EFCAB6: variants seen among roughly 807,000 people sequenced by gnomAD.
EFCAB6 encodes the protein EF-hand calcium-binding domain-containing protein 6.
Under a neutral mutation model 169.8 loss-of-function variants are expected in EFCAB6, and 156 were observed. That is an observed-to-expected ratio of 0.92 (90% CI 0.81 to 1.05). EFCAB6 has a LOEUF of 1.05. EFCAB6 is among the 50% of genes least tolerant of loss of function. The pLI, the probability that EFCAB6 is intolerant of heterozygous loss-of-function variation, is 0.00. For synonymous variants in EFCAB6, 698 were observed against 676.4 expected (o/e 1.03, Z -0.50); for missense variants, 1,800 against 1,829.1 (o/e 0.98, Z 0.29).
At chr22:43,676,143 C>T (rs1199826673) in intron 13 of EFCAB6, among the ~76,000 whole-genome samples, 2 of 151,874 alleles carry the variant, frequency 1.3e-5, no homozygotes, top group Admixed American at 6.6e-5. Flanking sequence ...TCAGGCCAGG[C>T]GCGGTGGCTC....
intron 17 of EFCAB6, among the ~76,000 whole-genome samples, chr22:43,639,432 TG>T (rs2055649348): frequency 6.6e-6 from 1 of 152,228 alleles, no homozygotes; most frequent in South Asian, 2.1e-4. Flanking sequence ...CGTTTGGTTT[TG>T]CTTTTGCTTT....
intron 19 of EFCAB6, among the ~76,000 whole-genome samples, chr22:43,630,527 G>A (rs562606249): frequency 3.9e-5 from 6 of 152,358 alleles, no homozygotes; most frequent in Admixed American, 6.5e-5. Context: ...AGTGTGTGAG[G>A]AAGAGAGGAG....
At position 43,682,926 on chromosome 22, in the gene EFCAB6, C is replaced by T. The variant is rs914993990; in HGVS notation, c.1251+821G>A. On this transcript the variant is annotated intron_variant, in intron 12 of 31. Transcript: ENST00000262726. The stretch of plus-strand genomic sequence containing the variant: ...AGCATTCTAGTGCGGCAGAGGCAGG[C>T]GCTGGGGTCTCCACAGACAGCAAAC... Among the ~76,000 whole-genome samples, 13 of 152,270 alleles carry T rather than the reference C, an allele frequency of 8.5e-5. No individual in the cohort carries two copies. In the East Asian group the frequency reaches 2.3e-3, roughly 27 times the overall value.
chr22:43,649,673 A>G (rs2056365333), intron 17 of EFCAB6, among the ~76,000 whole-genome samples: 1 of 152,204 alleles, frequency 6.6e-6, no homozygotes, highest in Non-Finnish European at 1.5e-5. Flanking sequence ...GCTTGTTGGA[A>G]TATCTTGCAG....
At chr22:43,690,755 C>G (rs531145361) in intron 10 of EFCAB6, among the ~76,000 whole-genome samples, 1 of 151,680 alleles carries the variant, frequency 6.6e-6, no homozygotes, top group East Asian at 2.0e-4. Flanking sequence ...TGCCCTCGGT[C>G]CCTTCTGCTT....
intron 11 of EFCAB6, 65 bp from the exon 12 acceptor site, chr22:43,683,920 T>C: frequency 3.1e-6 from 4 of 1,297,200 alleles, no homozygotes; most frequent in Non-Finnish European, 4.4e-6. Flanking sequence ...CTTTTCTTAA[T>C]GCAAGAAACA....
intron 23 of EFCAB6, among the ~76,000 whole-genome samples, chr22:43,593,612 A>G (rs2051738907): frequency 6.6e-6 from 1 of 152,210 alleles, no homozygotes; most frequent in East Asian, 1.9e-4. Flanking sequence ...ATAACTCAGT[A>G]ACTTAGACGT....
At chr22:43,576,550 T>C (rs2050270797) in intron 25 of EFCAB6, 62 bp from the exon 26 acceptor site, 12 of 1,385,284 alleles carry the variant, frequency 8.7e-6, no homozygotes, top group Middle Eastern at 2.1e-4. Flanking sequence ...TCTAAAACAC[T>C]TTCCTTAAGT....
intron 30 of EFCAB6, among the ~76,000 whole-genome samples, chr22:43,531,601 AAC>A (rs1346039752): frequency 6.6e-6 from 1 of 152,256 alleles, no homozygotes; most frequent in African/African-American, 2.4e-5. Flanking sequence ...AACAATGCGT[AAC>A]ACATCTTGGG....
intron 20 of EFCAB6, among the ~76,000 whole-genome samples, chr22:43,618,607 G>A (rs1168044041): frequency 1.3e-5 from 2 of 152,180 alleles, no homozygotes; most frequent in Non-Finnish European, 2.9e-5. Context: ...CAGCTTAAGA[G>A]TCAAGAGCAG....
At chr22:43,545,143 TC>T in intron 27 of EFCAB6, among the ~76,000 whole-genome samples, 1 of 152,138 alleles carries the variant, frequency 6.6e-6, no homozygotes, top group African/African-American at 2.4e-5. Context: ...TGAGACTCCA[TC>T]TCAAAAGAAA....
At position 43,782,314 on chromosome 22, in the gene EFCAB6, C is replaced by T; in HGVS notation, c.5G>A (p.Cys2Tyr). 1 of 1,611,828 alleles carries T rather than the reference C, an allele frequency of 6.2e-7. No individual in the cohort carries two copies. The change falls in exon 3 of 32, where the codon TGC becomes TAC. Residue 2 changes from cysteine (C) to tyrosine (Y), a missense_variant. Transcript: ENST00000262726. The stretch of plus-strand genomic sequence containing the variant: ...CCAGTCTGGTATAATCGCCATTTTG[C>T]ACATTAAATCCCTGTGATATAAAAG... M[C>Y]KMAIIPDWLR... is the part of the protein sequence containing the mutation.
intron 17 of EFCAB6, among the ~76,000 whole-genome samples, chr22:43,643,037 A>G (rs1343346481): frequency 6.6e-6 from 1 of 152,178 alleles, no homozygotes; most frequent in Non-Finnish European, 1.5e-5. Context: ...GCATAGTGTC[A>G]AGAGCCAGAA....
At chr22:43,652,279 G>T (rs2056510527) in intron 17 of EFCAB6, among the ~76,000 whole-genome samples, 1 of 152,128 alleles carries the variant, frequency 6.6e-6, no homozygotes, top group Admixed American at 6.6e-5. Context: ...GGTTTTAAAA[G>T]GAGGCATTCT....
chr22:43,749,660 C>T (rs142973545), intron 6 of EFCAB6, among the ~76,000 whole-genome samples: 126 of 152,296 alleles, frequency 8.3e-4, no homozygotes, highest in Middle Eastern at 3.4e-3. Context: ...CCACCGCTCA[C>T]CTCCTGCTGT....
In EFCAB6 at chr22:43,566,539, G is replaced by A. The variant is rs898100970; in HGVS notation, c.3420+9758C>T. On this transcript the variant is annotated intron_variant, in intron 26 of 31. Transcript: ENST00000262726. ...CCTCACATCACCCTGAGAGGCAGCC[G>A]TGGCTCTCCCTGCTGTATAGACAAA... 3.3e-5 allele frequency among the ~76,000 whole-genome samples: 5 copies of A among 152,276 alleles called. No homozygotes were observed. In the South Asian group the frequency reaches 6.2e-4, roughly 19 times the overall value.
chr22:43,811,443 G>C (rs969776916), intron 1 of EFCAB6, among the ~76,000 whole-genome samples: 1 of 152,012 alleles, frequency 6.6e-6, no homozygotes, highest in Non-Finnish European at 1.5e-5. Flanking sequence ...TCTTAACAGG[G>C]GCAAGACATC....
chr22:43,774,270 C>T (rs191409926), intron 3 of EFCAB6, among the ~76,000 whole-genome samples: 1 of 151,362 alleles, frequency 6.6e-6, no homozygotes, highest in African/African-American at 2.4e-5. Flanking sequence ...CCAACTTGAA[C>T]CCACCCAGAG....
In EFCAB6 at chr22:43,635,173, G is replaced by A; in HGVS notation, c.2027C>T (p.Ala676Val). Residue 676 changes from alanine to valine, a missense_variant, in exon 18 of 32, where the codon GCC becomes GTC. By Grantham distance (64) the Ala-to-Val change is moderately conservative. Transcript: ENST00000262726. ...GAAGCCTATTTTAGTGGTCAGCAGG[G>A]CATACTGATCATCGTCCATGGGCAT... The part of the protein sequence containing the change: ...TGMPMDDDQY[A>V]LLTTKIGFEK... 1 of 1,614,134 alleles carries A rather than the reference G, an allele frequency of 6.2e-7. No homozygotes were observed. Among genetic ancestry groups the A allele is most frequent in the South Asian group, 1.1e-5 (1 of 91,072 alleles).
Sources: allele counts gnomAD v4.1 joint callset (sites outside exome capture counted in the v4.1 genomes callset), GRCh38; gene constraint gnomAD v4.1.1; transcripts MANE v1.5; gene names NCBI Gene and HGNC (gene_info 2026-07-23, HGNC 2026-07-21).